RAPGEF6: variants seen among roughly 807,000 people sequenced by gnomAD.
The protein encoded by RAPGEF6 is PDZ domain containing guanine nucleotide exchange factor (GEF) 2.
RAPGEF6 carries 56 observed loss-of-function variants against 171.4 expected under a neutral mutation model. The ratio of observed to expected loss-of-function variants is 0.33; its 90% CI spans 0.26 to 0.41. The LOEUF (loss-of-function observed/expected upper bound fraction) is 0.41, where lower values mean the gene tolerates loss of function less well. RAPGEF6 is among the 10% of genes least tolerant of loss of function. The pLI, the probability that RAPGEF6 is intolerant of heterozygous loss-of-function variation, is 1.00. For synonymous variants in RAPGEF6, 692 were observed against 650.1 expected, an observed-to-expected ratio of 1.06 and a Z score of -0.98; for missense variants, 1,674 against 1,921.4, an observed-to-expected ratio of 0.87 and a Z score of 2.41.
At chr5:131,436,367 A>G (rs2149809031) in intron 24 of RAPGEF6, 1 of 1,537,450 alleles carries the variant, frequency 6.5e-7, no homozygotes, top group Non-Finnish European at 8.7e-7. Context: ...CTGTGATCAG[A>G]TATGATACTG....
chr5:131,491,961 G>A (rs1756311493), intron 14 of RAPGEF6, among the ~76,000 whole-genome samples: 1 of 152,176 alleles, frequency 6.6e-6, no homozygotes, highest in African/African-American at 2.4e-5. Context: ...AGAGAAGCCT[G>A]AGAATTACAT....
intron 1 of RAPGEF6, among the ~76,000 whole-genome samples, chr5:131,607,412 C>A (rs189641444): frequency 6.6e-6 from 1 of 152,292 alleles, no homozygotes; most frequent in African/African-American, 2.4e-5. Flanking sequence ...AATATTGCTG[C>A]TGAAGCTGAT....
intron 22 of RAPGEF6, among the ~76,000 whole-genome samples, chr5:131,442,757 A>T (rs967240662): frequency 4.6e-5 from 7 of 152,184 alleles, no homozygotes; most frequent in Non-Finnish European, 8.8e-5. Flanking sequence ...ATTGTAGAAT[A>T]AGTTGTTAAT....
chr5:131,574,665 T>C (rs1387481346), intron 4 of RAPGEF6, among the ~76,000 whole-genome samples: 1 of 152,138 alleles, frequency 6.6e-6, no homozygotes, highest in Non-Finnish European at 1.5e-5. Context: ...TCCCTGACTA[T>C]TCCTGGACTA....
intron 22 of RAPGEF6, among the ~76,000 whole-genome samples, chr5:131,444,488 C>T (rs1283641424): frequency 6.6e-6 from 1 of 152,142 alleles, no homozygotes; most frequent in Admixed American, 6.5e-5. Flanking sequence ...TGGGAAGAAT[C>T]AAATTCTATA....
chr5:131,532,210 C>T (rs562828087), intron 6 of RAPGEF6: 8 of 408,780 alleles, frequency 2.0e-5, no homozygotes, highest in Admixed American at 3.6e-5. Flanking sequence ...GTGATGAGTA[C>T]GGTGATAAAA....
chr5:131,433,347 G>T, intron 25 of RAPGEF6, 83 bp downstream of exon 25: 1 of 1,214,294 alleles, frequency 8.2e-7, no homozygotes, highest in Non-Finnish European at 1.2e-6. Context: ...CCCATGGGAG[G>T]TCCAAGGTCA....
chr5:131,432,812 A>G (rs1414240683), intron 25 of RAPGEF6, among the ~76,000 whole-genome samples: 1 of 151,196 alleles, frequency 6.6e-6, no homozygotes, highest in African/African-American at 2.4e-5. Flanking sequence ...TGGTGTAGAG[A>G]TCCTAGTTTA....
At chr5:131,605,860 C>G (rs1333507926) in intron 1 of RAPGEF6, among the ~76,000 whole-genome samples, 1 of 151,708 alleles carries the variant, frequency 6.6e-6, no homozygotes, top group Non-Finnish European at 1.5e-5. Context: ...GAAACTCCAT[C>G]TCTACTAAAA....
chr5:131,451,919 C>T (rs567598671), intron 21 of RAPGEF6, among the ~76,000 whole-genome samples: 141 of 152,258 alleles, frequency 9.3e-4, no homozygotes, highest in African/African-American at 3.3e-3. Context: ...GTCTTATTTA[C>T]ACCCTGAAAA....
intron 24 of RAPGEF6, among the ~76,000 whole-genome samples, chr5:131,435,387 A>C (rs1751951572): frequency 6.6e-6 from 1 of 152,210 alleles, no homozygotes. Context: ...AAATAAATAA[A>C]AACCTTCTTC....
rs1043136740 is a variant in RAPGEF6 at position 131,472,700 on chromosome 5, G to T, written c.2126C>A (p.Thr709Lys). The part of the protein sequence containing the change: ...SQSQDDSIVG[T>K]RHCRHSLAIM... ...AGCCAGACTATGCCTACAGTGCCTT[G>T]TTCCCACAATGCTGTCATCTTGTGA... Residue 709 changes from threonine (T) to lysine (K), a missense_variant, in exon 17 of 28, where the codon ACA becomes AAA. Around this residue, in one of 3 missense-constraint regions of RAPGEF6, gnomAD observed 1,116 missense variants for 1,321.5 expected, o/e 0.84. Coordinates refer to ENST00000509018, the MANE Select transcript of RAPGEF6 (RefSeq NM_016340.6). The T allele has an allele frequency of 1.2e-6, 2 of 1,612,602 alleles. No homozygotes were observed. Among genetic ancestry groups the T allele is most frequent in the South Asian group, 1.1e-5 (1 of 91,046 alleles).
intron 4 of RAPGEF6, among the ~76,000 whole-genome samples, chr5:131,563,895 A>G (rs1761764090): frequency 1.3e-5 from 2 of 152,170 alleles, no homozygotes; most frequent in Admixed American, 1.3e-4. Flanking sequence ...CAAATCTGTA[A>G]AAGTTTGCTT....
chr5:131,579,698 C>G (rs1041053528), intron 4 of RAPGEF6, among the ~76,000 whole-genome samples: 4 of 152,140 alleles, frequency 2.6e-5, no homozygotes, highest in Non-Finnish European at 5.9e-5. Context: ...AAAAGTTCTC[C>G]AAGTCCCCAC....
intron 2 of RAPGEF6, 93 bp from the exon 3 acceptor site, chr5:131,603,420 T>C: frequency 1.2e-6 from 1 of 815,634 alleles, no homozygotes; most frequent in Non-Finnish European, 1.9e-6. Flanking sequence ...TCTAATTGAT[T>C]GTTAGAAAAT....
At position 131,580,115 on chromosome 5, in the gene RAPGEF6, C is replaced by T. The variant is rs371434671; in HGVS notation, c.281+12268G>A. On this transcript the variant is annotated intron_variant, in intron 4 of 27. Transcript: ENST00000509018. ...GCACCCATTGGGGAGGCTCGGGCCG[C>T]GTGGGAGCCCACTGTGGGGGGGGGC... Among the ~76,000 whole-genome samples the T allele has an allele frequency of 7.1e-3, 594 of 83,712 alleles. 6 individuals are homozygous for T. Among genetic ancestry groups the T allele is most frequent in the African/African-American group, 0.029 (581 of 19,990 alleles). 54.9% of individuals were successfully genotyped at this position (83,712 alleles called of 152,430 possible).
intron 11 of RAPGEF6, among the ~76,000 whole-genome samples, chr5:131,500,817 T>C (rs1029973561): frequency 2.0e-5 from 3 of 152,170 alleles, no homozygotes; most frequent in African/African-American, 7.2e-5. Context: ...AATCTAAGTA[T>C]ATATTAGTAT....
intron 1 of RAPGEF6, among the ~76,000 whole-genome samples, chr5:131,624,076 G>C (rs149440465): frequency 1.8e-3 from 271 of 152,282 alleles, no homozygotes; most frequent in African/African-American, 6.4e-3. Flanking sequence ...CAGGCCAGAG[G>C]ATGGTTTTCC....
chr5:131,538,082 C>T (rs566620947), intron 6 of RAPGEF6, among the ~76,000 whole-genome samples: 4 of 151,874 alleles, frequency 2.6e-5, no homozygotes, highest in South Asian at 4.2e-4. Context: ...ACAGCGAGAC[C>T]GTCTCAAATA....
Sources: allele counts gnomAD v4.1 joint callset (sites outside exome capture counted in the v4.1 genomes callset), GRCh38; gene constraint gnomAD v4.1.1; regional missense constraint gnomAD v4.1.1; transcripts MANE v1.5; gene names NCBI Gene and HGNC (gene_info 2026-07-23, HGNC 2026-07-21).